SHTN1: variants seen among roughly 807,000 people sequenced by gnomAD.
The protein encoded by SHTN1 is shootin 1, also known as shootin-1.
In SHTN1, 42 loss-of-function variants were observed where a neutral mutation model predicts 83.1. The observed-to-expected ratio is 0.51, with a 90% CI of 0.39 to 0.65. The LOEUF (loss-of-function observed/expected upper bound fraction) is 0.65, where lower values mean the gene tolerates loss of function less well. Among genes scored for constraint, SHTN1 ranks in the 30% least tolerant of loss-of-function variants. The probability of loss-of-function intolerance (pLI) is 0.00; values close to 1 mark genes in which losing one functional copy is unlikely to be tolerated. For missense variants in SHTN1, 622 were observed against 737.8 expected, an observed-to-expected ratio of 0.84 and a Z score of 1.82; for synonymous variants, 224 against 247.7, an observed-to-expected ratio of 0.90 and a Z score of 0.90.
At chr10:117,120,163 A>T (rs951788246) in intron 1 of SHTN1, among the ~76,000 whole-genome samples, 2 of 152,236 alleles carry the variant, frequency 1.3e-5, no homozygotes, top group Non-Finnish European at 2.9e-5. Context: ...TACATTTAAA[A>T]ATAACTGAAA....
At chr10:116,954,661 G>A (rs1007562402) in intron 4 of SHTN1, among the ~76,000 whole-genome samples, 4 of 152,112 alleles carry the variant, frequency 2.6e-5, no homozygotes, top group African/African-American at 4.8e-5. Context: ...GGAGTGCCAT[G>A]CTCTCCCAAG....
chr10:116,940,709 A>G, intron 8 of SHTN1, 97 bp from the exon 9 acceptor site: 1 of 1,006,998 alleles, frequency 9.9e-7, no homozygotes, highest in Middle Eastern at 2.6e-4. Flanking sequence ...AATTTTTATT[A>G]AATCATTAAA....
At chr10:117,086,566 T>C (rs1422978441) in intron 1 of SHTN1, among the ~76,000 whole-genome samples, 2 of 152,350 alleles carry the variant, frequency 1.3e-5, no homozygotes, top group East Asian at 3.9e-4. Flanking sequence ...ATTTTAGTGT[T>C]TTATATAGTC....
chr10:117,109,689 C>T (rs1025123918), intron 1 of SHTN1, among the ~76,000 whole-genome samples: 2 of 149,312 alleles, frequency 1.3e-5, no homozygotes, highest in Admixed American at 1.4e-4. Flanking sequence ...CTCAGCCTCC[C>T]AAGTAGCTGG....
intron 8 of SHTN1, 82 bp downstream of exon 8, chr10:116,944,842 G>C: frequency 4.7e-6 from 4 of 849,526 alleles, no homozygotes; most frequent in Non-Finnish European, 7.9e-6. Flanking sequence ...AGTGAGCCGA[G>C]ATTGCGCCAC....
chr10:116,914,202 G>T (rs1848299530), intron 13 of SHTN1, among the ~76,000 whole-genome samples: 1 of 152,178 alleles, frequency 6.6e-6, no homozygotes, highest in Admixed American at 6.5e-5. Context: ...GGCCGGGCAT[G>T]GTGGCTCATG....
intron 1 of SHTN1, among the ~76,000 whole-genome samples, chr10:117,111,441 G>A (rs754602254): frequency 1.3e-4 from 19 of 151,500 alleles, no homozygotes; most frequent in Non-Finnish European, 1.8e-4. Flanking sequence ...CTACAGGCAC[G>A]TGCCACCACA....
chr10:117,112,325 A>T (rs578093923), intron 1 of SHTN1, among the ~76,000 whole-genome samples: 4 of 152,120 alleles, frequency 2.6e-5, no homozygotes, highest in South Asian at 2.1e-4. Context: ...TCAATTACAG[A>T]CACAGCCAAC....
chr10:116,912,834 G>A (rs772624018), intron 13 of SHTN1, among the ~76,000 whole-genome samples: 6 of 151,924 alleles, frequency 3.9e-5, no homozygotes, highest in Non-Finnish European at 8.8e-5. Context: ...TCAAAAAAAT[G>A]AGAGTTAATT....
At chr10:117,062,853 T>C (rs1046983413) in intron 1 of SHTN1, among the ~76,000 whole-genome samples, 2 of 152,092 alleles carry the variant, frequency 1.3e-5, no homozygotes, top group South Asian at 2.1e-4. Context: ...GAATTATTTC[T>C]TCATTCATGG....
Position 117,004,931 on chromosome 10 carries a change from C to T in SHTN1, c.58+91G>A, listed in dbSNP as rs1391663800. 1.4e-5 allele frequency: 17 copies of T among 1,199,548 alleles called. No homozygotes were observed. The Admixed American group carries it at 4.6e-4, about 32-fold the overall frequency. 74.3% of individuals were successfully genotyped at this position (1,199,548 alleles called of 1,614,324 possible). On this transcript the variant is annotated intron_variant, in intron 1 of 16. Coordinates refer to ENST00000355371, the MANE Select transcript of SHTN1 (RefSeq NM_001127211.3). ...CCACGGCGGCCGCCACGTCTCCCGC[C>T]CGGCTTCCAACTGCCCTGGCCCCAG...
Position 116,881,636 on chromosome 10 carries a change from G to C in SHTN1, c.*4708C>G, listed in dbSNP as rs1401204358. On this transcript the variant is annotated 3_prime_UTR_variant, in exon 17 of 17. Coordinates refer to ENST00000355371, the MANE Select transcript of SHTN1 (RefSeq NM_001127211.3). ...CCACCTTCCCCACACAAGGTGTAGA[G>C]GAATCAGCCGAAACAGGAGCATCCT... 7.7e-6 allele frequency: 12 copies of C among 1,548,666 alleles called. No individual in the cohort carries two copies. The highest frequency in any genetic ancestry group is 9.6e-6 in the Non-Finnish European group (11 of 1,146,152).
intron 1 of SHTN1, among the ~76,000 whole-genome samples, chr10:116,980,154 G>C (rs1181990994): frequency 6.6e-6 from 1 of 152,042 alleles, no homozygotes; most frequent in Non-Finnish European, 1.5e-5. Flanking sequence ...AGAATATAAA[G>C]TTTTGAACAC....
At chr10:116,963,298 T>C (rs1202856814) in intron 3 of SHTN1, among the ~76,000 whole-genome samples, 1 of 151,190 alleles carries the variant, frequency 6.6e-6, no homozygotes, top group Non-Finnish European at 1.5e-5. Flanking sequence ...GGTCTCGATC[T>C]CCTGACCTCG....
chr10:117,076,846 T>C (rs140192605), intron 1 of SHTN1, among the ~76,000 whole-genome samples: 14 of 152,306 alleles, frequency 9.2e-5, no homozygotes, highest in African/African-American at 2.2e-4. Flanking sequence ...TAAAGCGAAA[T>C]TGACTTACAA....
At chr10:117,061,984 T>C (rs898884066) in intron 1 of SHTN1, among the ~76,000 whole-genome samples, 7 of 152,162 alleles carry the variant, frequency 4.6e-5, no homozygotes, top group African/African-American at 1.7e-4. Flanking sequence ...TTAAATGATC[T>C]CCAAACATTA....
chr10:116,994,997 T>C (rs890652791), intron 1 of SHTN1, among the ~76,000 whole-genome samples: 1 of 152,174 alleles, frequency 6.6e-6, no homozygotes, highest in Admixed American at 6.5e-5. Context: ...ATGATATTCC[T>C]AGAAATCTAA....
chr10:116,901,705 C>T (rs1847744085), intron 16 of SHTN1, 60 bp downstream of exon 16: 1 of 1,427,998 alleles, frequency 7.0e-7, no homozygotes, highest in Non-Finnish European at 9.2e-7. Context: ...CAAAGAAACA[C>T]ACAAGTTAGT....
At chr10:116,996,201 T>C (rs1370542011) in intron 1 of SHTN1, among the ~76,000 whole-genome samples, 2 of 152,186 alleles carry the variant, frequency 1.3e-5, no homozygotes, top group Admixed American at 1.3e-4. Context: ...TCAGAAACTA[T>C]AGTTCACCCA....
Sources: gnomAD v4.1 joint callset for allele counts (sites outside exome capture counted in the v4.1 genomes callset) on GRCh38, gnomAD v4.1.1 for gene constraint, MANE v1.5 for transcripts, NCBI Gene and HGNC (gene_info 2026-07-23, HGNC 2026-07-21) for gene names.